SYK: variants seen among roughly 807,000 people sequenced by gnomAD.
SYK encodes the protein spleen associated tyrosine kinase.
SYK carries 16 observed loss-of-function variants against 77.8 expected under a neutral mutation model. The observed-to-expected ratio is 0.21, with a 90% confidence interval of 0.14 to 0.31. The LOEUF is 0.31. SYK is among the 10% of genes least tolerant of loss of function. SYK has a pLI of 1.00. For missense variants in SYK, 529 were observed against 814.4 expected, an observed-to-expected ratio of 0.65 and a Z score of 4.26; for synonymous variants, 312 against 308.7, an observed-to-expected ratio of 1.01 and a Z score of -0.11.
At chr9:90,829,220 C>T (rs72729024) in intron 1 of SYK, among the ~76,000 whole-genome samples, 2,922 of 151,596 alleles carry the variant, frequency 0.019, 93 homozygotes, top group East Asian at 0.15. Context: ...ACCCAGGAGG[C>T]AGACGTTGCA....
chr9:90,817,114 A>G (rs1224833272), intron 1 of SYK, among the ~76,000 whole-genome samples: 1 of 152,084 alleles, frequency 6.6e-6, no homozygotes, highest in East Asian at 1.9e-4. Context: ...CTCATCAGCT[A>G]TCATTAGTGT....
chr9:90,836,910 G>A (rs1826106234), intron 1 of SYK, among the ~76,000 whole-genome samples: 1 of 152,128 alleles, frequency 6.6e-6, no homozygotes, highest in Non-Finnish European at 1.5e-5. Flanking sequence ...GTAAACAGAT[G>A]ACAGTAAATT....
chr9:90,867,858 A>C (rs1827574960), intron 7 of SYK, among the ~76,000 whole-genome samples: 1 of 152,196 alleles, frequency 6.6e-6, no homozygotes, highest in East Asian at 1.9e-4. Context: ...TTTATTTATA[A>C]TGACTTATTT....
intron 1 of SYK, among the ~76,000 whole-genome samples, chr9:90,812,267 T>C (rs560687086): frequency 3.9e-5 from 6 of 152,254 alleles, no homozygotes; most frequent in African/African-American, 1.2e-4. Flanking sequence ...TAAGGTTTGC[T>C]TGGGGGGAAA....
chr9:90,870,234 T>G (rs1201114665), intron 7 of SYK, among the ~76,000 whole-genome samples: 1 of 152,246 alleles, frequency 6.6e-6, no homozygotes, highest in Non-Finnish European at 1.5e-5. Context: ...TGGAATTTCT[T>G]TCTCTGCTGC....
At position 90,884,903 on chromosome 9, in the gene SYK, A is replaced by G. The variant is rs1228220808; in HGVS notation, c.1582-2846A>G. Among the ~76,000 whole-genome samples, 2 of 127,686 alleles carry G rather than the reference A, an allele frequency of 1.6e-5. 1 individual carries two copies. The highest frequency in any genetic ancestry group is 3.4e-5 in the Non-Finnish European group (2 of 58,744). 83.8% of individuals were successfully genotyped at this position (127,686 alleles called of 152,430 possible). ...TATACATATATATACATATGCACAT[A>G]TGTGTATATATACATATATATACAT... On this transcript the variant is annotated intron_variant, in intron 11 of 13. Transcript: ENST00000375754.
chr9:90,871,373 C>T lies in SYK; in HGVS notation c.916-2831C>T, dbSNP rs539690792. Among the ~76,000 whole-genome samples the T allele has an allele frequency of 2.2e-4, 33 of 152,272 alleles. No individual in the cohort carries two copies. In the South Asian group the frequency reaches 6.8e-3, roughly 32 times the overall value. On this transcript the variant is annotated intron_variant, in intron 7 of 13. Coordinates refer to ENST00000375754, the MANE Select transcript of SYK (RefSeq NM_003177.7). ...ACAGAATGGCTCTCTCAAATGCAAA[C>T]ATAAAGAATAAAAGGTTAATAGTAA...
intron 3 of SYK, among the ~76,000 whole-genome samples, chr9:90,849,030 C>T (rs1406055470): frequency 6.6e-6 from 1 of 152,196 alleles, no homozygotes; most frequent in African/African-American, 2.4e-5. Flanking sequence ...AGGCCAGTGT[C>T]ACTGGCAGAG....
chr9:90,856,506 T>C (rs1039594149), intron 3 of SYK, among the ~76,000 whole-genome samples: 3 of 152,196 alleles, frequency 2.0e-5, no homozygotes, highest in Non-Finnish European at 4.4e-5. Flanking sequence ...AGCGCACTAA[T>C]TTTTCCTTCA....
At chr9:90,819,565 G>C (rs1373895756) in intron 1 of SYK, among the ~76,000 whole-genome samples, 2 of 152,186 alleles carry the variant, frequency 1.3e-5, no homozygotes, top group Non-Finnish European at 2.9e-5. Context: ...ATAAATCCAT[G>C]AGATCTTGTA....
chr9:90,840,570 A>T (rs1378057221), intron 1 of SYK, among the ~76,000 whole-genome samples: 1 of 151,630 alleles, frequency 6.6e-6, no homozygotes, highest in African/African-American at 2.4e-5. Flanking sequence ...AAAAAAAAAA[A>T]AAAAAACTGT....
At chr9:90,802,098 C>CGGGAGAGAGGGGCTCAGGCCT (rs1310074881) in intron 1 of SYK, 2 of 152,384 alleles carry the variant, frequency 1.3e-5, no homozygotes, top group Non-Finnish European at 2.9e-5. Flanking sequence ...GAAGCTGCGC[C>CGGGAGAGAGGGGCTCAGGCCT]GGGAGAGAGG....
intron 1 of SYK, among the ~76,000 whole-genome samples, chr9:90,835,752 G>A (rs1030662001): frequency 6.6e-6 from 1 of 152,164 alleles, no homozygotes. Context: ...GGAGCATCTC[G>A]CAGATTAGTT....
At chr9:90,865,857 A>G (rs1365283681) in intron 6 of SYK, among the ~76,000 whole-genome samples, 1 of 71,676 alleles carries the variant, frequency 1.4e-5, no homozygotes, top group Non-Finnish European at 2.9e-5. Flanking sequence ...AGCAGGAATT[A>G]TTTTCCTGCT....
At chr9:90,853,396 A>C (rs1310710297) in intron 3 of SYK, among the ~76,000 whole-genome samples, 1 of 151,766 alleles carries the variant, frequency 6.6e-6, no homozygotes, top group Non-Finnish European at 1.5e-5. Flanking sequence ...ACTATAAATC[A>C]TGCTGCTATA....
intron 1 of SYK, among the ~76,000 whole-genome samples, chr9:90,832,202 A>G (rs1352004350): frequency 6.6e-6 from 1 of 152,256 alleles, no homozygotes; most frequent in Admixed American, 6.5e-5. Flanking sequence ...TTTATAGAGC[A>G]TAACTATTGT....
At chr9:90,866,089 T>C (rs527382953) in intron 6 of SYK, among the ~76,000 whole-genome samples, 3 of 152,184 alleles carry the variant, frequency 2.0e-5, no homozygotes, top group East Asian at 1.9e-4. Flanking sequence ...TTAGTAGAGA[T>C]GGGGTTTCAC....
At chr9:90,881,745 A>G (rs1019835818) in intron 11 of SYK, among the ~76,000 whole-genome samples, 2 of 151,876 alleles carry the variant, frequency 1.3e-5, no homozygotes, top group Non-Finnish European at 2.9e-5. Flanking sequence ...AAGCAAACGA[A>G]CGCTGGCACT....
intron 11 of SYK, among the ~76,000 whole-genome samples, chr9:90,887,436 CGTT>C (rs1828621953): frequency 7.4e-6 from 1 of 135,948 alleles, no homozygotes; most frequent in Non-Finnish European, 1.5e-5. Flanking sequence ...TGGAGTCTCT[CGTT>C]GTGTCACCCA....
Sources: gnomAD v4.1 joint callset for allele counts (sites outside exome capture counted in the v4.1 genomes callset) on GRCh38, gnomAD v4.1.1 for gene constraint, MANE v1.5 for transcripts, NCBI Gene and HGNC (gene_info 2026-07-23, HGNC 2026-07-21) for gene names.